Variants in DGKB observed in about 807,000 individuals in gnomAD.
DGKB encodes 90 kDa diacylglycerol kinase.
In DGKB, 67 loss-of-function variants were observed where a neutral mutation model predicts 114.3. The observed-to-expected ratio is 0.59, with a 90% confidence interval of 0.48 to 0.72. DGKB has a LOEUF of 0.72. Ranked by LOEUF, DGKB falls within the 30% of genes least tolerant of loss-of-function variation. DGKB has a pLI of 0.00. For missense variants in DGKB, 907 were observed against 975.2 expected, an observed-to-expected ratio of 0.93 and a Z score of 0.93; for synonymous variants, 398 against 323.1, an observed-to-expected ratio of 1.23 and a Z score of -2.49.
At chr7:14,636,498 T>G (rs537002236) in intron 13 of DGKB, among the ~76,000 whole-genome samples, 1 of 151,860 alleles carries the variant, frequency 6.6e-6, no homozygotes, top group Non-Finnish European at 1.5e-5. Context: ...TAAATCCTTT[T>G]AGCCGAAATA....
At chr7:14,334,037 G>C (rs973894603) in intron 23 of DGKB, among the ~76,000 whole-genome samples, 10 of 152,156 alleles carry the variant, frequency 6.6e-5, no homozygotes, top group African/African-American at 2.2e-4. Context: ...ATTTGGGGGA[G>C]TTAATTAACT....
intron 1 of DGKB, among the ~76,000 whole-genome samples, chr7:14,920,360 G>C (rs1311525974): frequency 6.6e-6 from 1 of 152,116 alleles, no homozygotes; most frequent in Non-Finnish European, 1.5e-5. Context: ...CCTCATGAAA[G>C]AAGGTATACA....
chr7:14,303,107 AG>A (rs2128491342), intron 23 of DGKB, among the ~76,000 whole-genome samples: 1 of 152,282 alleles, frequency 6.6e-6, no homozygotes, highest in African/African-American at 2.4e-5. Context: ...ATATGTGTCC[AG>A]TGCCAGTTTT....
At chr7:14,315,869 C>A (rs991145676) in intron 23 of DGKB, among the ~76,000 whole-genome samples, 106 of 150,252 alleles carry the variant, frequency 7.1e-4, no homozygotes, top group African/African-American at 2.0e-3. Context: ...CCAAAATTGA[C>A]CACATACTTG....
intron 25 of DGKB, among the ~76,000 whole-genome samples, chr7:14,156,092 A>C (rs981035473): frequency 6.6e-6 from 1 of 152,108 alleles, no homozygotes; most frequent in African/African-American, 2.4e-5. Flanking sequence ...AGAAAAACTG[A>C]AAGAAGTGCT....
rs575728244 is a variant in DGKB at position 14,270,227 on chromosome 7, G to A, written c.2122+68288C>T. ...TTCTCTCTCATAGGCTATGCTCTCC[G>A]TTTCTCGAGGCATCTCCATTTTTAG... On this transcript the variant is annotated intron_variant, in intron 23 of 25. Transcript: ENST00000402815. Among the ~76,000 whole-genome samples the A allele has an allele frequency of 3.3e-5, 5 of 152,090 alleles. No homozygotes were observed. In the East Asian group the frequency reaches 7.7e-4, roughly 23 times the overall value.
intron 21 of DGKB, among the ~76,000 whole-genome samples, chr7:14,345,800 A>G (rs1448050403): frequency 1.3e-5 from 2 of 151,698 alleles, no homozygotes; most frequent in Admixed American, 1.3e-4. Flanking sequence ...TAAGAAAGTA[A>G]TAACAATATT....
At chr7:14,951,826 TAA>T (rs568512814) in intron 1 of DGKB, among the ~76,000 whole-genome samples, 208 of 151,924 alleles carry the variant, frequency 1.4e-3, no homozygotes, top group African/African-American at 4.7e-3. Context: ...GCTCAAATAA[TAA>T]AGTCTATTAA....
At chr7:14,533,180 T>C (rs144708826) in intron 20 of DGKB, among the ~76,000 whole-genome samples, 3,250 of 151,798 alleles carry the variant, frequency 0.021, 54 homozygotes, top group Non-Finnish European at 0.036. Context: ...CCATAAAATA[T>C]AGAAATCCTA....
At chr7:14,930,037 T>C (rs997354376) in intron 1 of DGKB, among the ~76,000 whole-genome samples, 23 of 152,174 alleles carry the variant, frequency 1.5e-4, no homozygotes, top group Non-Finnish European at 1.0e-4. Flanking sequence ...GCTGAGAATA[T>C]GTGGCTTTAT....
chr7:14,183,098 G>C (rs573206118), intron 23 of DGKB, among the ~76,000 whole-genome samples: 1 of 152,260 alleles, frequency 6.6e-6, no homozygotes, highest in Admixed American at 6.5e-5. Context: ...GACCAGGCTA[G>C]CTATGGAGTT....
intron 1 of DGKB, among the ~76,000 whole-genome samples, chr7:14,878,414 G>C (rs1853642479): frequency 6.6e-6 from 1 of 152,144 alleles, no homozygotes; most frequent in Non-Finnish European, 1.5e-5. Context: ...TAGGTGAAGA[G>C]TCACTTATAA....
upstream of DGKB, among the ~76,000 whole-genome samples, chr7:14,905,434 C>T (rs1184688734): frequency 6.6e-6 from 1 of 151,968 alleles, no homozygotes; most frequent in Non-Finnish European, 1.5e-5. Context: ...AAATCACTCC[C>T]TTACAACACT....
intron 2 of DGKB, among the ~76,000 whole-genome samples, chr7:14,780,134 C>T (rs1050843134): frequency 5.9e-5 from 9 of 152,094 alleles, no homozygotes; most frequent in Admixed American, 1.3e-4. Flanking sequence ...CTTTCTCTGC[C>T]CTGCTTTTGC....
At chr7:14,236,616 CAAAGA>C (rs984463384) in intron 23 of DGKB, among the ~76,000 whole-genome samples, 2 of 151,800 alleles carry the variant, frequency 1.3e-5, no homozygotes, top group Non-Finnish European at 2.9e-5. Context: ...CTGAAGGAAA[CAAAGA>C]AAAGTTCATA....
chr7:14,281,738 A>G (rs1303296616), intron 23 of DGKB, among the ~76,000 whole-genome samples: 57 of 152,200 alleles, frequency 3.7e-4, no homozygotes, highest in Admixed American at 2.2e-3. Context: ...CATGGAAACT[A>G]AACAACCTGC....
intron 20 of DGKB, among the ~76,000 whole-genome samples, chr7:14,531,367 G>T (rs1023205981): frequency 2.6e-5 from 4 of 151,422 alleles, no homozygotes; most frequent in African/African-American, 9.7e-5. Context: ...AAGGGCACAA[G>T]ATTCAAAATC....
chr7:14,702,272 G>A (rs1825328573), intron 6 of DGKB, among the ~76,000 whole-genome samples: 1 of 152,092 alleles, frequency 6.6e-6, no homozygotes, highest in South Asian at 2.1e-4. Flanking sequence ...CATAGATCAT[G>A]ATACAAATAG....
At chr7:14,895,612 C>T (rs1300191610) in intron 1 of DGKB, among the ~76,000 whole-genome samples, 6 of 151,624 alleles carry the variant, frequency 4.0e-5, no homozygotes, top group Non-Finnish European at 8.9e-5. Context: ...ACCTTTAGTA[C>T]TGTAGGAACT....
Sources: allele counts gnomAD v4.1 joint callset (sites outside exome capture counted in the v4.1 genomes callset), GRCh38; gene constraint gnomAD v4.1.1; transcripts MANE v1.5; gene names NCBI Gene and HGNC (gene_info 2026-07-23, HGNC 2026-07-21).